The following CHN2 variants were observed in gnomAD, a reference collection of about 807,000 sequenced individuals.
CHN2 encodes the protein chimerin 2, also known as beta-chimaerin.
A neutral mutation model predicts 56.3 loss-of-function variants in CHN2; 35 were observed. That is an observed-to-expected ratio of 0.62 (90% CI 0.47 to 0.82). CHN2 has a LOEUF of 0.82. Ranked by LOEUF, CHN2 falls within the 40% of genes least tolerant of loss-of-function variation. The pLI is 0.00. For missense variants in CHN2, 491 were observed against 580.5 expected, an observed-to-expected ratio of 0.85 and a Z score of 1.58; for synonymous variants, 210 against 212.8, an observed-to-expected ratio of 0.99 and a Z score of 0.12.
chr7:29,222,813 A>T (rs927551878), intron 1 of CHN2, among the ~76,000 whole-genome samples: 2 of 152,208 alleles, frequency 1.3e-5, no homozygotes, highest in African/African-American at 4.8e-5. Flanking sequence ...TAAAGAAGAA[A>T]AAACATGGAG....
rs901997886 is a variant in CHN2 at position 29,512,788 on chromosome 7, T to C, written c.*53T>C. 1.9e-6 allele frequency: 3 copies of C among 1,547,516 alleles called. No individual in the cohort carries two copies. The highest frequency in any genetic ancestry group is 2.6e-6 in the Non-Finnish European group (3 of 1,142,248). The stretch of plus-strand genomic sequence containing the variant: ...CCAGCACCATCCAAGTTGACACAGC[T>C]AAAGGAATAAAAACATTTCTTACCA... On this transcript the variant is annotated 3_prime_UTR_variant, in exon 13 of 13. Coordinates refer to ENST00000222792, the MANE Select transcript of CHN2 (RefSeq NM_004067.4).
At chr7:29,429,467 A>G (rs1241004973) in intron 6 of CHN2, among the ~76,000 whole-genome samples, 1 of 152,188 alleles carries the variant, frequency 6.6e-6, no homozygotes, top group African/African-American at 2.4e-5. Flanking sequence ...TTGATATCTG[A>G]TACCAATTAT....
At chr7:29,173,382 G>A (rs1562807415) in intron 2 of CHN2, among the ~76,000 whole-genome samples, 1 of 151,966 alleles carries the variant, frequency 6.6e-6, no homozygotes, top group Admixed American at 6.5e-5. Flanking sequence ...GAAGTGAAAG[G>A]TGGTGCTATT....
intron 1 of CHN2, among the ~76,000 whole-genome samples, chr7:29,206,516 G>A (rs1386852067): frequency 2.0e-5 from 3 of 152,070 alleles, no homozygotes; most frequent in Non-Finnish European, 2.9e-5. Flanking sequence ...TCCTGACCTC[G>A]TGATCCACCT....
chr7:29,406,005 C>T (rs1802620078), intron 6 of CHN2, among the ~76,000 whole-genome samples: 1 of 152,188 alleles, frequency 6.6e-6, no homozygotes, highest in Admixed American at 6.5e-5. Context: ...GAGCCTGTCC[C>T]GAGTGGTTCT....
chr7:29,325,734 G>A (rs761839909), intron 1 of CHN2, among the ~76,000 whole-genome samples: 9 of 152,108 alleles, frequency 5.9e-5, no homozygotes, highest in Non-Finnish European at 8.8e-5. Flanking sequence ...GCTCACTTAC[G>A]GCTGGTCTGA....
intron 6 of CHN2, among the ~76,000 whole-genome samples, chr7:29,412,958 C>A (rs1156293332): frequency 6.6e-6 from 1 of 152,160 alleles, no homozygotes; most frequent in Non-Finnish European, 1.5e-5. Context: ...CTGAATAATT[C>A]CCATTGCCGT....
intron 6 of CHN2, among the ~76,000 whole-genome samples, chr7:29,451,714 C>A (rs867415191): frequency 1.3e-5 from 2 of 152,176 alleles, no homozygotes; most frequent in South Asian, 2.1e-4. Context: ...AGTCCATGAC[C>A]TGGAGGTTCA....
chr7:29,497,200 A>G (rs982859723), intron 8 of CHN2, among the ~76,000 whole-genome samples: 1 of 151,958 alleles, frequency 6.6e-6, no homozygotes, highest in Non-Finnish European at 1.5e-5. Context: ...ATATTCAGAA[A>G]CTCTGTTTAA....
chr7:29,245,950 A>G (rs1788044687), intron 1 of CHN2, among the ~76,000 whole-genome samples: 1 of 152,242 alleles, frequency 6.6e-6, no homozygotes, highest in Admixed American at 6.5e-5. Context: ...CTGTGCACAT[A>G]GGCAAAATGA....
At chr7:29,198,241 C>T (rs557556729) in intron 1 of CHN2, among the ~76,000 whole-genome samples, 1 of 152,304 alleles carries the variant, frequency 6.6e-6, no homozygotes, top group South Asian at 2.1e-4. Flanking sequence ...ATGGGTTATA[C>T]CTCTCATAGA....
chr7:29,248,700 C>T (rs1265484884), intron 1 of CHN2, among the ~76,000 whole-genome samples: 1 of 152,132 alleles, frequency 6.6e-6, no homozygotes, highest in Admixed American at 6.5e-5. Flanking sequence ...TACTTTTTTC[C>T]CAGTGCTTCA....
intron 1 of CHN2, among the ~76,000 whole-genome samples, chr7:29,216,488 T>C (rs774205630): frequency 6.6e-6 from 1 of 152,256 alleles, no homozygotes; most frequent in African/African-American, 2.4e-5. Flanking sequence ...ATAAGATCTG[T>C]TATCAAATTA....
At chr7:29,359,717 G>A (rs1434280746) in intron 2 of CHN2, among the ~76,000 whole-genome samples, 6 of 152,152 alleles carry the variant, frequency 3.9e-5, no homozygotes, top group African/African-American at 1.4e-4. Context: ...TGCTCTAAAA[G>A]AAGAGCTACT....
At chr7:29,237,222 T>C (rs761842083) in intron 1 of CHN2, among the ~76,000 whole-genome samples, 12 of 152,190 alleles carry the variant, frequency 7.9e-5, no homozygotes, top group Non-Finnish European at 1.0e-4. Context: ...AATATTTCAA[T>C]GTGATTAGAA....
At chr7:29,492,959 C>G (rs533222621) in intron 7 of CHN2, among the ~76,000 whole-genome samples, 1 of 152,174 alleles carries the variant, frequency 6.6e-6, no homozygotes, top group Non-Finnish European at 1.5e-5. Flanking sequence ...ACTGAGTGCT[C>G]AGGGATGAGC....
chr7:29,424,759 T>G (rs960553256), intron 6 of CHN2, among the ~76,000 whole-genome samples: 3 of 152,246 alleles, frequency 2.0e-5, no homozygotes, highest in Non-Finnish European at 4.4e-5. Flanking sequence ...AGCCAGAGTT[T>G]AAGTACTGCC....
At position 29,355,772 on chromosome 7, in the gene CHN2, ATTTTTTTT is replaced by A. The variant is rs1167339692; in HGVS notation, c.88+1131_88+1138del. On this transcript the variant is annotated intron_variant, in intron 2 of 12. Coordinates refer to ENST00000222792, the MANE Select transcript of CHN2 (RefSeq NM_004067.4). ...TACCACAACTCTCACAGATGGGACT[ATTTTTTTT>A]TTTTTTTTTTTTTTTTTTTTTGAGA... Among the ~76,000 whole-genome samples, 122 of 52,392 alleles carry A rather than the reference ATTTTTTTT, an allele frequency of 2.3e-3. 1 individual carries two copies. The highest frequency in any genetic ancestry group is 8.5e-3 in the African/African-American group (113 of 13,292). 34.4% of individuals were successfully genotyped at this position (52,392 alleles called of 152,430 possible). A position where few individuals can be genotyped will look rare whatever the true frequency, so the allele number is the denominator to read the frequency against.
intron 1 of CHN2, among the ~76,000 whole-genome samples, chr7:29,273,447 T>C (rs1431498463): frequency 6.8e-6 from 1 of 147,932 alleles, no homozygotes; most frequent in East Asian, 2.0e-4. Flanking sequence ...TTTGTATCCA[T>C]ATCTTGGCTA....
Sources: gnomAD v4.1 joint callset for allele counts (sites outside exome capture counted in the v4.1 genomes callset) on GRCh38, gnomAD v4.1.1 for gene constraint, MANE v1.5 for transcripts, NCBI Gene and HGNC (gene_info 2026-07-23, HGNC 2026-07-21) for gene names.